EXT1: variants seen among roughly 807,000 people sequenced by gnomAD.
EXT1 encodes exostosin-1.
In EXT1, 20 loss-of-function variants were observed where a neutral mutation model predicts 82.5. The observed-to-expected ratio is 0.24, with a 90% CI of 0.17 to 0.35. EXT1 has a LOEUF of 0.35. Ranked by LOEUF, EXT1 falls within the 10% of genes least tolerant of loss-of-function variation. The pLI is 1.00. For synonymous variants in EXT1, 348 were observed against 350.8 expected (o/e 0.99, Z 0.09); for missense variants, 757 against 936.5 (o/e 0.81, Z 2.50).
At chr8:117,953,494 T>C (rs1814529947) in intron 1 of EXT1, among the ~76,000 whole-genome samples, 1 of 151,514 alleles carries the variant, frequency 6.6e-6, no homozygotes, top group African/African-American at 2.4e-5. Context: ...CCACTCCACC[T>C]ATCTCGTATC....
At chr8:117,962,661 G>A (rs566418856) in intron 1 of EXT1, among the ~76,000 whole-genome samples, 1 of 152,184 alleles carries the variant, frequency 6.6e-6, no homozygotes, top group Non-Finnish European at 1.5e-5. Flanking sequence ...GCTGAGGCAG[G>A]AGGATTGCTT....
intron 1 of EXT1, among the ~76,000 whole-genome samples, chr8:117,974,321 C>T (rs1239370354): frequency 2.0e-5 from 3 of 152,172 alleles, no homozygotes; most frequent in Non-Finnish European, 2.9e-5. Flanking sequence ...TCCCAGGTTT[C>T]CCGACTCTCT....
At chr8:118,071,656 T>C (rs991756868) in intron 1 of EXT1, among the ~76,000 whole-genome samples, 2 of 152,090 alleles carry the variant, frequency 1.3e-5, no homozygotes, top group Non-Finnish European at 2.9e-5. Flanking sequence ...TTCAGACCCC[T>C]CTCCTCTCCC....
chr8:117,985,760 TC>T (rs1435876289), intron 1 of EXT1, among the ~76,000 whole-genome samples: 1 of 152,238 alleles, frequency 6.6e-6, no homozygotes, highest in Non-Finnish European at 1.5e-5. Flanking sequence ...TTCATTTGCT[TC>T]AGTTAAATCA....
chr8:118,100,489 C>A (rs1374724878), intron 1 of EXT1, among the ~76,000 whole-genome samples: 1 of 152,190 alleles, frequency 6.6e-6, no homozygotes, highest in Non-Finnish European at 1.5e-5. Context: ...GAGGCTCACA[C>A]CTGTAATCCC....
At chr8:118,020,412 T>A (rs1481847466) in intron 1 of EXT1, among the ~76,000 whole-genome samples, 1 of 152,226 alleles carries the variant, frequency 6.6e-6, no homozygotes, top group African/African-American at 2.4e-5. Context: ...TGTCCTATTA[T>A]GTAAAATCAT....
At chr8:117,964,649 G>GT (rs1814770434) in intron 1 of EXT1, among the ~76,000 whole-genome samples, 2 of 151,138 alleles carry the variant, frequency 1.3e-5, no homozygotes, top group Non-Finnish European at 1.5e-5. Flanking sequence ...TTGTTTGTTT[G>GT]TTTGTTTTTT....
intron 1 of EXT1, among the ~76,000 whole-genome samples, chr8:118,068,085 T>C (rs1264263092): frequency 6.6e-6 from 1 of 152,196 alleles, no homozygotes; most frequent in Non-Finnish European, 1.5e-5. Flanking sequence ...ATAACACCTT[T>C]CAATGGAAAT....
At chr8:117,929,241 G>A (rs1014847154) in intron 1 of EXT1, among the ~76,000 whole-genome samples, 13 of 152,184 alleles carry the variant, frequency 8.5e-5, no homozygotes, top group African/African-American at 3.1e-4. Flanking sequence ...TCCAAGGAAG[G>A]TAAAGAAACG....
At chr8:117,943,786 G>A (rs1219815053) in intron 1 of EXT1, among the ~76,000 whole-genome samples, 1 of 152,228 alleles carries the variant, frequency 6.6e-6, no homozygotes, top group Non-Finnish European at 1.5e-5. Flanking sequence ...GGCAGGAAGT[G>A]CGTAGCTGGG....
intron 10 of EXT1, 53 bp downstream of exon 10, chr8:117,804,669 G>A (rs998563446): frequency 9.4e-6 from 15 of 1,603,608 alleles, no homozygotes; most frequent in Non-Finnish European, 1.3e-5. Context: ...CTCATTACCT[G>A]GGGCTGAACC....
At chr8:118,015,396 T>G (rs1389879982) in intron 1 of EXT1, among the ~76,000 whole-genome samples, 1 of 152,190 alleles carries the variant, frequency 6.6e-6, no homozygotes, top group African/African-American at 2.4e-5. Context: ...GTTACAAATA[T>G]TTCAGGTTAC....
At chr8:117,817,272 G>A (rs913698069) in intron 7 of EXT1, among the ~76,000 whole-genome samples, 3 of 152,132 alleles carry the variant, frequency 2.0e-5, no homozygotes, top group African/African-American at 7.2e-5. Flanking sequence ...CCTTGTGACA[G>A]TTACAATTGC....
At chr8:118,073,703 A>AGAAGAGAAGAGAAGAGAAGC (rs1563647860) in intron 1 of EXT1, among the ~76,000 whole-genome samples, 2 of 101,024 alleles carry the variant, frequency 2.0e-5, no homozygotes, top group Admixed American at 1.8e-4. Flanking sequence ...AGAAGAGAAG[A>AGAAGAGAAGAGAAGAGAAGC]GAAGCCTCTT....
At chr8:117,847,662 C>T (rs903771872) in intron 1 of EXT1, among the ~76,000 whole-genome samples, 7 of 152,152 alleles carry the variant, frequency 4.6e-5, no homozygotes, top group African/African-American at 1.7e-4. Context: ...CCTCCCTCTG[C>T]ACAGAAAACT....
chr8:117,916,531 A>T lies in EXT1; in HGVS notation c.963-79330T>A, dbSNP rs79002782. On this transcript the variant is annotated intron_variant, in intron 1 of 10. Coordinates refer to ENST00000378204, the MANE Select transcript of EXT1 (RefSeq NM_000127.3). ...TAGCAACATATACGTAATGAGAAAGAATAATAGAAGGCATTAAAAAATGAC... is the reference window on the plus strand; with the variant it reads ...TAGCAACATATACGTAATGAGAAAGTATAATAGAAGGCATTAAAAAATGAC... 2.4e-4 allele frequency among the ~76,000 whole-genome samples: 37 copies of T among 152,360 alleles called. No homozygotes were observed. In the East Asian group the frequency reaches 6.7e-3, roughly 28 times the overall value.
At chr8:117,898,182 G>A (rs1032408886) in intron 1 of EXT1, among the ~76,000 whole-genome samples, 2 of 152,184 alleles carry the variant, frequency 1.3e-5, no homozygotes, top group African/African-American at 4.8e-5. Context: ...CACAGTGGTG[G>A]TTTAACAACC....
chr8:118,071,051 G>A (rs1455195562), intron 1 of EXT1, among the ~76,000 whole-genome samples: 1 of 152,134 alleles, frequency 6.6e-6, no homozygotes, highest in African/African-American at 2.4e-5. Context: ...TATCATGTAA[G>A]TGGGTGTAGT....
intron 1 of EXT1, among the ~76,000 whole-genome samples, chr8:118,007,779 A>G (rs1184496221): frequency 6.6e-6 from 1 of 152,206 alleles, no homozygotes; most frequent in Non-Finnish European, 1.5e-5. Flanking sequence ...CAGAGCTGGA[A>G]GAGAGAAAGA....
Sources: gnomAD v4.1 joint callset for allele counts (sites outside exome capture counted in the v4.1 genomes callset) on GRCh38, gnomAD v4.1.1 for gene constraint, MANE v1.5 for transcripts, NCBI Gene and HGNC (gene_info 2026-07-23, HGNC 2026-07-21) for gene names.